The following SLC25A21 variants were observed in gnomAD, a reference collection of about 807,000 sequenced individuals.
The protein encoded by SLC25A21 is solute carrier family 25 member 21, also known as mitochondrial 2-oxodicarboxylate carrier.
Under a neutral mutation model 43.8 loss-of-function variants are expected in SLC25A21, and 47 were observed. The observed-to-expected ratio is 1.07, with a 90% CI of 0.85 to 1.37. SLC25A21 has a LOEUF of 1.37. SLC25A21 is among the 40% of genes most tolerant of loss of function. The pLI is 0.00. For synonymous variants in SLC25A21, 131 were observed against 121.3 expected, an observed-to-expected ratio of 1.08 and a Z score of -0.52; for missense variants, 352 against 350.2, an observed-to-expected ratio of 1.00 and a Z score of -0.04.
Position 36,691,231 on chromosome 14 carries a change from C to T in SLC25A21, c.604-6306G>A, listed in dbSNP as rs553068110. On this transcript the variant is annotated intron_variant, in intron 7 of 9. Transcript: ENST00000331299. Reference sequence around the variant, plus strand: ...CACTTGCCTCTCAGGGCTGCACCCTCATTCAACATGCAAGGAGATCACCTC... The same window carrying T: ...CACTTGCCTCTCAGGGCTGCACCCTTATTCAACATGCAAGGAGATCACCTC... Among the ~76,000 whole-genome samples the T allele has an allele frequency of 9.7e-4, 148 of 152,318 alleles. 3 individuals carry two copies. In the South Asian group the frequency reaches 0.029, roughly 30 times the overall value.
At chr14:36,712,900 A>G (rs776487932) in intron 6 of SLC25A21, among the ~76,000 whole-genome samples, 6 of 152,228 alleles carry the variant, frequency 3.9e-5, no homozygotes, top group Non-Finnish European at 8.8e-5. Flanking sequence ...GGTTTTCAAA[A>G]GAGATAGGAC....
intron 1 of SLC25A21, among the ~76,000 whole-genome samples, chr14:36,881,980 T>C (rs898189586): frequency 2.6e-5 from 4 of 152,164 alleles, no homozygotes; most frequent in Non-Finnish European, 5.9e-5. Flanking sequence ...GAGAACAGAG[T>C]ATTCTAAATT....
intron 7 of SLC25A21, among the ~76,000 whole-genome samples, chr14:36,695,214 T>G (rs1882964930): frequency 6.6e-6 from 1 of 152,190 alleles, no homozygotes; most frequent in African/African-American, 2.4e-5. Flanking sequence ...AAAGATCAGA[T>G]GGTTGTAGAT....
At chr14:36,941,327 T>C (rs1892551417) in intron 1 of SLC25A21, among the ~76,000 whole-genome samples, 1 of 152,150 alleles carries the variant, frequency 6.6e-6, no homozygotes, top group African/African-American at 2.4e-5. Flanking sequence ...TTTTCAAAGA[T>C]TATGCTGCAC....
chr14:36,800,991 C>A (rs572721348), intron 3 of SLC25A21, among the ~76,000 whole-genome samples: 2 of 152,208 alleles, frequency 1.3e-5, no homozygotes, highest in East Asian at 3.9e-4. Flanking sequence ...ACAGAAAATA[C>A]CTTCATTTTG....
At chr14:36,879,445 T>C (rs920742205) in intron 1 of SLC25A21, among the ~76,000 whole-genome samples, 1 of 152,194 alleles carries the variant, frequency 6.6e-6, no homozygotes, top group African/African-American at 2.4e-5. Context: ...ACTGATACTG[T>C]AAATTTAATA....
chr14:37,091,494 A>C (rs561163183), intron 1 of SLC25A21, among the ~76,000 whole-genome samples: 2 of 152,222 alleles, frequency 1.3e-5, no homozygotes, highest in East Asian at 3.9e-4. Context: ...CATTTTAAAC[A>C]GTAAAATCAT....
chr14:37,018,090 TAA>T (rs1960902894), intron 1 of SLC25A21, among the ~76,000 whole-genome samples: 2 of 152,056 alleles, frequency 1.3e-5, no homozygotes, highest in East Asian at 3.9e-4. Flanking sequence ...AAAAAAAAAG[TAA>T]ATCTGTATCA....
At chr14:36,702,075 C>T (rs1883301100) in intron 7 of SLC25A21, among the ~76,000 whole-genome samples, 1 of 152,124 alleles carries the variant, frequency 6.6e-6, no homozygotes, top group Non-Finnish European at 1.5e-5. Flanking sequence ...CATATAACCC[C>T]CAGTTAAATA....
At chr14:36,769,045 C>G (rs1386256699) in intron 3 of SLC25A21, among the ~76,000 whole-genome samples, 1 of 152,086 alleles carries the variant, frequency 6.6e-6, no homozygotes, top group Non-Finnish European at 1.5e-5. Flanking sequence ...GCTAGACTGT[C>G]TTTATACTGC....
At chr14:37,158,030 C>G (rs574575193) in intron 1 of SLC25A21, among the ~76,000 whole-genome samples, 2 of 152,070 alleles carry the variant, frequency 1.3e-5, no homozygotes, top group East Asian at 3.9e-4. Flanking sequence ...AAGATTGGAT[C>G]AAGAAAAGAT....
chr14:36,804,868 A>G (rs1239036022), intron 3 of SLC25A21, among the ~76,000 whole-genome samples: 1 of 152,232 alleles, frequency 6.6e-6, no homozygotes, highest in African/African-American at 2.4e-5. Flanking sequence ...TTTAACGACC[A>G]CTAGAAAAAG....
chr14:37,147,277 A>G (rs1963681855), intron 1 of SLC25A21, among the ~76,000 whole-genome samples: 1 of 152,244 alleles, frequency 6.6e-6, no homozygotes, highest in South Asian at 2.1e-4. Context: ...TTTAACAGAC[A>G]CAATTGCAAT....
chr14:36,814,882 C>A (rs1029957632), intron 2 of SLC25A21, among the ~76,000 whole-genome samples: 1 of 152,154 alleles, frequency 6.6e-6, no homozygotes, highest in Non-Finnish European at 1.5e-5. Flanking sequence ...GTGTTTATTG[C>A]AGCACTATTT....
At chr14:36,962,181 C>A (rs1474912144) in intron 1 of SLC25A21, among the ~76,000 whole-genome samples, 1 of 152,032 alleles carries the variant, frequency 6.6e-6, no homozygotes, top group East Asian at 1.9e-4. Context: ...CATGCTATTC[C>A]TTGGTATAAT....
chr14:36,886,892 G>A (rs914998914), intron 1 of SLC25A21, among the ~76,000 whole-genome samples: 5 of 152,100 alleles, frequency 3.3e-5, no homozygotes, highest in African/African-American at 1.2e-4. Context: ...ATACACTTGG[G>A]TAAGTGAACC....
At chr14:36,736,022 A>G (rs1331561116) in intron 3 of SLC25A21, among the ~76,000 whole-genome samples, 2 of 130,974 alleles carry the variant, frequency 1.5e-5, no homozygotes, top group African/African-American at 3.0e-5. Flanking sequence ...TGCAAGCTCC[A>G]CCTCCCGGGT....
intron 1 of SLC25A21, among the ~76,000 whole-genome samples, chr14:36,986,090 G>T (rs76653589): frequency 0.02 from 2,996 of 152,212 alleles, 97 homozygotes; most frequent in African/African-American, 0.068. Flanking sequence ...TAGAAATCAA[G>T]ATTTAGGTAT....
intron 1 of SLC25A21, among the ~76,000 whole-genome samples, chr14:37,145,674 A>C (rs1200721780): frequency 6.6e-6 from 1 of 152,142 alleles, no homozygotes; most frequent in Admixed American, 6.5e-5. Flanking sequence ...ACTACAACTA[A>C]CACAATGACA....
Sources: allele counts gnomAD v4.1 joint callset (sites outside exome capture counted in the v4.1 genomes callset), GRCh38; gene constraint gnomAD v4.1.1; transcripts MANE v1.5; gene names NCBI Gene and HGNC (gene_info 2026-07-23, HGNC 2026-07-21).